The following TUBB8B variants were observed in gnomAD, a reference collection of about 807,000 sequenced individuals.
TUBB8B encodes the protein tubulin beta 8B, also known as HSA18p11 beta-tubulin 4Q pseudogene.
Under a neutral mutation model 31.9 loss-of-function variants are expected in TUBB8B, and 26 were observed. That is an observed-to-expected ratio of 0.81 (90% CI 0.60 to 1.13). The LOEUF (loss-of-function observed/expected upper bound fraction) is 1.13, where lower values mean the gene tolerates loss of function less well. Among genes scored for constraint, TUBB8B ranks in the 50% most tolerant of loss-of-function variants. The pLI is 0.00. For synonymous variants in TUBB8B, 173 were observed against 231.0 expected (o/e 0.75, Z 2.28); for missense variants, 467 against 586.7 (o/e 0.80, Z 2.11).
the TUBB8B span, among the ~76,000 whole-genome samples, chr18:64,694 C>T: frequency 6.6e-6 from 1 of 152,142 alleles, no homozygotes; most frequent in Admixed American, 6.6e-5. Context: ...CACTGCACTC[C>T]ACCCTGGGCA....
At chr18:65,994 T>C in the TUBB8B span, among the ~76,000 whole-genome samples, 1 of 152,128 alleles carries the variant, frequency 6.6e-6, no homozygotes. Context: ...TTTGAGATGC[T>C]GAGGTGGGAA....
rs12104022 is a variant in TUBB8B, at chr18:48,371, G to A, written c.354C>T (p.Asp118=). ...AGCTCTCAGCCTCCTTTCTGACAAC[G>A]TCCATCACTGACTCCGTCAGCTCCG... is the stretch of plus-strand genomic sequence containing the variant. ...EGAELTESVM[D]VVRKEAESCD... The change falls in exon 4 of 4, where the codon GAC becomes GAT. Residue 118 remains aspartate, a synonymous_variant. Coordinates refer to ENST00000308911, the MANE Select transcript of TUBB8B (RefSeq NM_001358689.2). The A allele has an allele frequency of 0.14, 226,704 of 1,585,716 alleles. 2,067 individuals carry two copies. Among genetic ancestry groups the A allele is most frequent in the African/African-American group, 0.25 (18,152 of 73,138 alleles).
upstream of TUBB8B, among the ~76,000 whole-genome samples, chr18:51,328 T>C (rs1215719678): frequency 6.6e-6 from 1 of 151,894 alleles, no homozygotes; most frequent in Non-Finnish European, 1.5e-5. Flanking sequence ...ATAGCTCCTA[T>C]AATTCCTATA....
chr18:69,842 G>A, the TUBB8B span, among the ~76,000 whole-genome samples: 1 of 152,188 alleles, frequency 6.6e-6, no homozygotes, highest in Non-Finnish European at 1.5e-5. Flanking sequence ...ACTAAAAGGA[G>A]ATAAATTAGA....
At chr18:65,914 C>T in the TUBB8B span, among the ~76,000 whole-genome samples, 1 of 152,124 alleles carries the variant, frequency 6.6e-6, no homozygotes, top group Non-Finnish European at 1.5e-5. Flanking sequence ...TAGCAACAAA[C>T]AACATGAGAA....
At chr18:62,433 T>C in the TUBB8B span, among the ~76,000 whole-genome samples, 1 of 150,696 alleles carries the variant, frequency 6.6e-6, no homozygotes, top group African/African-American at 2.4e-5. Flanking sequence ...TTTTTTTTTT[T>C]TTTTTGACAG....
upstream of TUBB8B, among the ~76,000 whole-genome samples, chr18:52,334 T>C (rs1906143504): frequency 1.3e-5 from 2 of 151,088 alleles, no homozygotes; most frequent in Non-Finnish European, 3.0e-5. Context: ...AGCACTCAGG[T>C]GAGGGACAAA....
At chr18:52,778 G>A (rs985005229), upstream of TUBB8B, among the ~76,000 whole-genome samples, 2 of 151,828 alleles carry the variant, frequency 1.3e-5, no homozygotes, top group African/African-American at 2.4e-5. Context: ...CAAAGTGAAC[G>A]AAGCAAGTTT....
chr18:68,000 G>A, the TUBB8B span, among the ~76,000 whole-genome samples: 1 of 152,144 alleles, frequency 6.6e-6, no homozygotes, highest in East Asian at 1.9e-4. Context: ...AGACTCACGT[G>A]ACACCCTCAA....
the TUBB8B span, among the ~76,000 whole-genome samples, chr18:65,466 A>G: frequency 6.6e-6 from 1 of 152,174 alleles, no homozygotes; most frequent in African/African-American, 2.4e-5. Flanking sequence ...AACAGAATAA[A>G]GAAGGAACCC....
chr18:48,137 C>A lies in TUBB8B; in HGVS notation c.588G>T (p.Ala196=). 1 of 1,515,432 alleles carries A rather than the reference C, an allele frequency of 6.6e-7. No individual in the cohort carries two copies. Among genetic ancestry groups the A allele is most frequent in the Non-Finnish European group, 8.9e-7 (1 of 1,127,292 alleles). 93.9% of individuals were successfully genotyped at this position (1,515,432 alleles called of 1,614,324 possible). ...TLSVHQLIEN[A]DETFCIDNEA... ...CGTTATCTATGCAGAAGGTCTCATC[C>A]GCGTTTTCTATGAGCTGGTGGACTG... The change falls in exon 4 of 4, where the codon GCG becomes GCT. Residue 196 remains alanine (A), a synonymous_variant. Transcript: ENST00000308911.
At chr18:54,795 G>T in the TUBB8B span, among the ~76,000 whole-genome samples, 1 of 151,802 alleles carries the variant, frequency 6.6e-6, no homozygotes, top group South Asian at 2.1e-4. Flanking sequence ...GGACATTTAG[G>T]TTTCTTCCAA....
chr18:60,674 G>C, the TUBB8B span, among the ~76,000 whole-genome samples: 4 of 151,346 alleles, frequency 2.6e-5, no homozygotes, highest in Non-Finnish European at 5.9e-5. Flanking sequence ...ATTATTGTTT[G>C]TTTCAAGAAA....
At chr18:66,214 G>T in the TUBB8B span, among the ~76,000 whole-genome samples, 74 of 152,214 alleles carry the variant, frequency 4.9e-4, no homozygotes, top group African/African-American at 1.8e-3. Context: ...GACCAACAGG[G>T]CAAAACCATG....
At chr18:66,795 T>A in the TUBB8B span, among the ~76,000 whole-genome samples, 1 of 152,106 alleles carries the variant, frequency 6.6e-6, no homozygotes, top group Admixed American at 6.6e-5. Flanking sequence ...AGCCTGTTGA[T>A]TTCTGCCAAA....
upstream of TUBB8B, among the ~76,000 whole-genome samples, chr18:54,515 C>A (rs1419416250): frequency 6.6e-6 from 1 of 151,592 alleles, no homozygotes. Flanking sequence ...ATTTCACATC[C>A]CCACTAACCC....
At chr18:59,194 A>G in the TUBB8B span, among the ~76,000 whole-genome samples, 2 of 151,844 alleles carry the variant, frequency 1.3e-5, no homozygotes, top group African/African-American at 2.4e-5. Flanking sequence ...ACGTTTTTCC[A>G]AATATAAGAT....
the TUBB8B span, among the ~76,000 whole-genome samples, chr18:69,169 A>C: frequency 6.6e-6 from 1 of 152,232 alleles, no homozygotes; most frequent in Non-Finnish European, 1.5e-5. Context: ...AACAAAAGGC[A>C]AATGGCACAA....
At chr18:59,341 A>C in the TUBB8B span, among the ~76,000 whole-genome samples, 14 of 151,644 alleles carry the variant, frequency 9.2e-5, no homozygotes, top group Non-Finnish European at 2.1e-4. Flanking sequence ...TATTCTTGTC[A>C]TCTTCCAGAT....
Sources: allele counts gnomAD v4.1 joint callset (sites outside exome capture counted in the v4.1 genomes callset), GRCh38; gene constraint gnomAD v4.1.1; transcripts MANE v1.5; gene names NCBI Gene and HGNC (gene_info 2026-07-23, HGNC 2026-07-21).